TRPC5: variants seen among roughly 807,000 people sequenced by gnomAD.
The protein encoded by TRPC5 is short transient receptor potential channel 5.
In TRPC5, 9 loss-of-function variants were observed where a neutral mutation model predicts 56.5. That is an observed-to-expected ratio of 0.16 (90% CI 0.10 to 0.28). The LOEUF (loss-of-function observed/expected upper bound fraction) is 0.28. Ranked by LOEUF, TRPC5 falls within the 10% of genes least tolerant of loss-of-function variation. The pLI is 1.00. For missense variants in TRPC5, 469 were observed against 748.9 expected (o/e 0.63, Z 4.36); for synonymous variants, 282 against 278.5 (o/e 1.01, Z -0.13).
intron 7 of TRPC5, among the ~76,000 whole-genome samples, chrX:111,820,488 A>T (rs1483231544): frequency 8.9e-6 from 1 of 112,498 alleles, no homozygotes; most frequent in East Asian, 2.8e-4. Flanking sequence ...TGAAAAAATA[A>T]AAATAATATT....
chrX:111,921,676 T>G (rs186124270), intron 2 of TRPC5, among the ~76,000 whole-genome samples: 30 of 111,401 alleles, frequency 2.7e-4, no homozygotes, highest in Middle Eastern at 4.6e-3. Flanking sequence ...GAATTTAGAT[T>G]TGGCTTATAT....
chrX:111,819,610 A>C (rs1921970920), intron 7 of TRPC5, among the ~76,000 whole-genome samples: 1 of 111,779 alleles, frequency 8.9e-6, no homozygotes, highest in Non-Finnish European at 1.9e-5. Context: ...ATAGAGGTAT[A>C]CCTTATCACT....
In TRPC5 at chrX:111,954,783, G is replaced by A. The variant is rs138849574; in HGVS notation, c.-21-2342C>T. 3.5e-3 allele frequency among the ~76,000 whole-genome samples: 392 copies of A among 111,511 alleles called. 3 individuals carry two copies. Among genetic ancestry groups the A allele is most frequent in the Non-Finnish European group, 5.8e-3 (307 of 53,113 alleles). The stretch of plus-strand genomic sequence containing the variant: ...AACCCCTTTAGTAAGGCACAGTTGT[G>A]GGGGGAAGCAGAAGAATATTGTATC... On this transcript the variant is annotated intron_variant, in intron 1 of 10. Coordinates refer to ENST00000262839, the MANE Select transcript of TRPC5 (RefSeq NM_012471.3).
intron 1 of TRPC5, among the ~76,000 whole-genome samples, chrX:112,039,923 C>T (rs1929850062): frequency 8.9e-6 from 1 of 111,950 alleles, no homozygotes; most frequent in African/African-American, 3.2e-5. Context: ...TTGGCATTTA[C>T]CTGACTACTG....
intron 1 of TRPC5, among the ~76,000 whole-genome samples, chrX:112,061,698 C>A (rs893023055): frequency 9.0e-6 from 1 of 111,263 alleles, no homozygotes; most frequent in Admixed American, 9.5e-5. Flanking sequence ...CTATTAAAAA[C>A]GTCTGTATGT....
chrX:111,781,340 A>G (rs1945918435), intron 8 of TRPC5, 134 bp from the exon 9 acceptor site: 2 of 526,660 alleles, frequency 3.8e-6, no homozygotes, highest in Non-Finnish European at 6.4e-6. Flanking sequence ...ACAAATCCCC[A>G]AAGCAAATGT....
chrX:111,978,898 G>T (rs1306393331), intron 1 of TRPC5, among the ~76,000 whole-genome samples: 2 of 111,022 alleles, frequency 1.8e-5, no homozygotes, highest in African/African-American at 6.5e-5. Context: ...TCTTAATAAA[G>T]TTGTTTAAAA....
intron 7 of TRPC5, among the ~76,000 whole-genome samples, chrX:111,831,416 G>T: frequency 8.9e-6 from 1 of 112,093 alleles, no homozygotes; most frequent in East Asian, 2.8e-4. Flanking sequence ...CTGGGGGTGG[G>T]TGGGGAGACC....
At chrX:112,012,972 C>A (rs990252497) in intron 1 of TRPC5, among the ~76,000 whole-genome samples, 1 of 111,649 alleles carries the variant, frequency 9.0e-6, no homozygotes, top group African/African-American at 3.3e-5. Flanking sequence ...TATTAAGCCA[C>A]TTCCTTTGGT....
At position 112,057,104 on chromosome X, in the gene TRPC5, T is replaced by C. The variant is rs778801130; in HGVS notation, c.-22+24775A>G. Among the ~76,000 whole-genome samples the C allele has an allele frequency of 8.9e-5, 10 of 111,873 alleles. 1 individual carries two copies. The South Asian group carries it at 3.8e-3, about 42-fold the overall frequency. On this transcript the variant is annotated intron_variant, in intron 1 of 10. Coordinates refer to ENST00000262839, the MANE Select transcript of TRPC5 (RefSeq NM_012471.3). ...GTCATTAGATCTCCTTTAGACGCTCTGCCTAAATGCTCAGAAGAGTTTCTG... is the reference window on the plus strand; with the variant it reads ...GTCATTAGATCTCCTTTAGACGCTCCGCCTAAATGCTCAGAAGAGTTTCTG...
chrX:111,940,720 C>A (rs995841478), intron 2 of TRPC5, among the ~76,000 whole-genome samples: 1 of 107,922 alleles, frequency 9.3e-6, no homozygotes, highest in East Asian at 2.9e-4. Flanking sequence ...GAATAAACTA[C>A]GTTTTGTCTG....
At chrX:112,013,720 A>G (rs1265635132) in intron 1 of TRPC5, among the ~76,000 whole-genome samples, 6 of 111,595 alleles carry the variant, frequency 5.4e-5, no homozygotes. Flanking sequence ...GCCATGTGCT[A>G]GATTTTGACT....
At chrX:111,806,586 G>A (rs377587263) in intron 7 of TRPC5, among the ~76,000 whole-genome samples, 4 of 111,797 alleles carry the variant, frequency 3.6e-5, no homozygotes, top group East Asian at 5.6e-4. Flanking sequence ...TTTTTGTAAC[G>A]TAATCTTGGA....
chrX:112,046,475 G>A (rs1479284165), intron 1 of TRPC5, among the ~76,000 whole-genome samples: 1 of 110,807 alleles, frequency 9.0e-6, no homozygotes, highest in African/African-American at 3.3e-5. Flanking sequence ...CTCCCTGTAG[G>A]CTGTCATGCT....
chrX:111,863,129 A>G (rs746314973), intron 3 of TRPC5, among the ~76,000 whole-genome samples: 1 of 111,817 alleles, frequency 8.9e-6, no homozygotes, highest in Non-Finnish European at 1.9e-5. Context: ...AGGCAATAGC[A>G]GAACAGTGGG....
intron 7 of TRPC5, among the ~76,000 whole-genome samples, chrX:111,794,374 G>A (rs1946044687): frequency 9.0e-6 from 1 of 110,966 alleles, no homozygotes; most frequent in Admixed American, 9.6e-5. Flanking sequence ...ATTAGGTAGC[G>A]CAATTCCATT....
At position 111,769,385 on chromosome X, in the gene TRPC5, T is replaced by C. The variant is rs1030284542; in HGVS notation, c.*6928A>G. Among the ~76,000 whole-genome samples the C allele has an allele frequency of 8.9e-6, 1 of 112,106 alleles. No individual in the cohort carries two copies. The highest frequency in any genetic ancestry group is 1.9e-5 in the Non-Finnish European group (1 of 53,208). ...TCAGTGAAGCTTCTCTATCTAAATA[T>C]ATTGCTCTTTAAAGTGTTCTCTTCA... On this transcript the variant is annotated 3_prime_UTR_variant, in exon 11 of 11. Coordinates refer to ENST00000262839, the MANE Select transcript of TRPC5 (RefSeq NM_012471.3).
In TRPC5 at chrX:111,769,472, C is replaced by G. The variant is rs1843559778; in HGVS notation, c.*6841G>C. ...CTCCAAGCATAATTGAAACTAGATT[C>G]CAGGATACAAAGGAGAACAAGCATT... On this transcript the variant is annotated 3_prime_UTR_variant, in exon 11 of 11. Coordinates refer to ENST00000262839, the MANE Select transcript of TRPC5 (RefSeq NM_012471.3). 9.0e-6 allele frequency among the ~76,000 whole-genome samples: 1 copy of G among 111,470 alleles called. No homozygotes were observed. Among genetic ancestry groups the G allele is most frequent in the African/African-American group, 3.3e-5 (1 of 30,671 alleles).
In TRPC5 at chrX:111,923,582, T is replaced by C. The variant is rs552961887; in HGVS notation, c.379-10770A>G. Among the ~76,000 whole-genome samples the C allele has an allele frequency of 2.7e-5, 3 of 110,422 alleles. No homozygotes were observed. In the Admixed American group the frequency reaches 2.9e-4, roughly 11 times the overall value. On this transcript the variant is annotated intron_variant, in intron 2 of 10. Coordinates refer to ENST00000262839, the MANE Select transcript of TRPC5 (RefSeq NM_012471.3). ...GGAACCACTGATTCCAAAAGTAAGG[T>C]CCACCCTGGGATGGATATTAGAAAC...
Sources: allele counts gnomAD v4.1 joint callset (sites outside exome capture counted in the v4.1 genomes callset), GRCh38; gene constraint gnomAD v4.1.1; transcripts MANE v1.5; gene names NCBI Gene and HGNC (gene_info 2026-07-23, HGNC 2026-07-21).